The following NALCN variants were observed in gnomAD, a reference collection of about 807,000 sequenced individuals.
NALCN encodes the protein sodium leak channel, non-selective, also known as sodium leak channel NALCN.
In NALCN, 111 loss-of-function variants were observed where a neutral mutation model predicts 225.3. That is an observed-to-expected ratio of 0.49 (90% CI 0.42 to 0.58). The LOEUF is 0.58. Ranked by LOEUF, NALCN falls within the 20% of genes least tolerant of loss-of-function variation. NALCN has a pLI of 0.00. For missense variants in NALCN, 1,378 were observed against 2,202.4 expected (o/e 0.63, Z 7.49); for synonymous variants, 764 against 769.0 (o/e 0.99, Z 0.11).
intron 7 of NALCN, among the ~76,000 whole-genome samples, chr13:101,343,415 A>AATCAG (rs1443995468): frequency 4.6e-5 from 7 of 152,226 alleles, no homozygotes; most frequent in African/African-American, 7.2e-5. Context: ...AAACAGACAA[A>AATCAG]ATCAGGCAAA....
chr13:101,346,340 G>A (rs1001549440), intron 6 of NALCN, among the ~76,000 whole-genome samples: 1 of 151,992 alleles, frequency 6.6e-6, no homozygotes, highest in Non-Finnish European at 1.5e-5. Flanking sequence ...TGCAAAGAAC[G>A]TTAACTTGTC....
intron 15 of NALCN, among the ~76,000 whole-genome samples, chr13:101,159,410 C>T (rs1364250589): frequency 2.4e-4 from 37 of 152,254 alleles, no homozygotes; most frequent in Admixed American, 2.2e-3. Context: ...GGCTTGCAGT[C>T]GCCCCCTCCG....
At chr13:101,248,291 G>T (rs971189105) in intron 11 of NALCN, among the ~76,000 whole-genome samples, 1 of 152,144 alleles carries the variant, frequency 6.6e-6, no homozygotes, top group African/African-American at 2.4e-5. Context: ...GGACTTAATA[G>T]TTCAAAATAT....
At chr13:101,393,468 G>A (rs751549129) in intron 3 of NALCN, among the ~76,000 whole-genome samples, 20 of 152,162 alleles carry the variant, frequency 1.3e-4, no homozygotes, top group South Asian at 2.1e-4. Context: ...GACAAAAGAC[G>A]CATGTCTTCC....
chr13:101,265,349 A>G (rs1484131137), intron 10 of NALCN, among the ~76,000 whole-genome samples: 1 of 152,198 alleles, frequency 6.6e-6, no homozygotes, highest in African/African-American at 2.4e-5. Context: ...TATAAAACTC[A>G]TAACAGCAAC....
At chr13:101,316,670 T>C (rs912673442) in intron 7 of NALCN, among the ~76,000 whole-genome samples, 4 of 152,332 alleles carry the variant, frequency 2.6e-5, no homozygotes, top group South Asian at 2.1e-4. Flanking sequence ...CTTTTATACC[T>C]GTACTCTGGA....
rs144394912 is a variant in NALCN at position 101,226,166 on chromosome 13, G to A, written c.1626+3227C>T. On this transcript the variant is annotated intron_variant, in intron 13 of 43. Coordinates refer to ENST00000251127, the MANE Select transcript of NALCN (RefSeq NM_052867.4). ...TCAAGCACCCAAACATCAGCCTAAT[G>A]CCTAATGTCAGCATCACCAGAAACA... Among the ~76,000 whole-genome samples, 20 of 152,032 alleles carry A rather than the reference G, an allele frequency of 1.3e-4. 1 individual carries two copies. In the East Asian group the frequency reaches 3.9e-3, roughly 30 times the overall value.
At chr13:101,095,529 G>T in intron 28 of NALCN, 45 bp downstream of exon 28, 2 of 1,491,124 alleles carry the variant, frequency 1.3e-6, no homozygotes, top group South Asian at 1.2e-5. Flanking sequence ...GCCTTATACT[G>T]ACAAACACAC....
At chr13:101,391,986 AAAAAACAAAAAC>A (rs563312148) in intron 3 of NALCN, among the ~76,000 whole-genome samples, 3 of 151,366 alleles carry the variant, frequency 2.0e-5, no homozygotes, top group Admixed American at 6.6e-5. Flanking sequence ...CTCCATCTCG[AAAAAACAAAAAC>A]AAAAACAAAA....
chr13:101,255,040 C>T (rs1304175469), intron 11 of NALCN, among the ~76,000 whole-genome samples: 1 of 152,060 alleles, frequency 6.6e-6, no homozygotes, highest in Admixed American at 6.5e-5. Context: ...TCAAAGTTTC[C>T]TCCCACACCC....
Position 101,061,639 on chromosome 13 carries a change from C to T in NALCN, c.4755+329G>A, listed in dbSNP as rs535253491. 1.1e-4 allele frequency among the ~76,000 whole-genome samples: 17 copies of T among 152,320 alleles called. No individual in the cohort carries two copies. The South Asian group carries it at 3.1e-3, about 28-fold the overall frequency. On this transcript the variant is annotated intron_variant, in intron 41 of 43. Transcript: ENST00000251127. ...AAGTGAGTTGAGCTCCCCCCTTGAC[C>T]TCTCATAGTGCTGGGATTACAGGCA...
At chr13:101,121,766 A>G (rs1385308908) in intron 18 of NALCN, among the ~76,000 whole-genome samples, 3 of 152,148 alleles carry the variant, frequency 2.0e-5, no homozygotes, top group Non-Finnish European at 4.4e-5. Context: ...TGGTCCTGGG[A>G]GACCCCACTG....
At chr13:101,291,417 G>A (rs563289781) in intron 9 of NALCN, among the ~76,000 whole-genome samples, 1 of 152,176 alleles carries the variant, frequency 6.6e-6, no homozygotes, top group Non-Finnish European at 1.5e-5. Context: ...TAATAAATGT[G>A]GTTGACGATC....
At position 101,299,244 on chromosome 13, in the gene NALCN, C is replaced by T. The variant is rs561024656; in HGVS notation, c.800-6878G>A. On this transcript the variant is annotated intron_variant, in intron 7 of 43. Coordinates refer to ENST00000251127, the MANE Select transcript of NALCN (RefSeq NM_052867.4). ...GTAAGATGACTGTATACATGCATAT[C>T]TTAGAATTTGGGGGAAGGGAGGCTA... 4.4e-4 allele frequency among the ~76,000 whole-genome samples: 67 copies of T among 152,252 alleles called. 1 individual carries two copies. The highest frequency in any genetic ancestry group is 3.3e-4 in the Admixed American group (5 of 15,300).
At chr13:101,269,883 C>A (rs2042718850) in intron 10 of NALCN, among the ~76,000 whole-genome samples, 1 of 152,156 alleles carries the variant, frequency 6.6e-6, no homozygotes, top group Non-Finnish European at 1.5e-5. Flanking sequence ...ATGCTAAAAT[C>A]TTGGCTTTTC....
chr13:101,116,268 A>G (rs2035703537), intron 18 of NALCN, among the ~76,000 whole-genome samples: 2 of 151,296 alleles, frequency 1.3e-5, no homozygotes, highest in African/African-American at 4.9e-5. Context: ...TTCCCCCTGC[A>G]TTGCCTTTGT....
At chr13:101,131,101 T>C (rs1033017967) in intron 17 of NALCN, among the ~76,000 whole-genome samples, 2 of 152,152 alleles carry the variant, frequency 1.3e-5, no homozygotes, top group South Asian at 4.1e-4. Context: ...TCTCTTTATG[T>C]TCCTTCTCGT....
chr13:101,365,242 T>C (rs2139378445), intron 6 of NALCN, among the ~76,000 whole-genome samples: 1 of 152,224 alleles, frequency 6.6e-6, no homozygotes, highest in East Asian at 1.9e-4. Context: ...GTTGCCTTCT[T>C]TGTGTCTGTA....
At chr13:101,077,889 G>A (rs997233578) in intron 34 of NALCN, among the ~76,000 whole-genome samples, 1 of 152,220 alleles carries the variant, frequency 6.6e-6, no homozygotes, top group Non-Finnish European at 1.5e-5. Flanking sequence ...CAATGGTTTT[G>A]TGGGTGGGCC....
Sources: allele counts gnomAD v4.1 joint callset (sites outside exome capture counted in the v4.1 genomes callset), GRCh38; gene constraint gnomAD v4.1.1; transcripts MANE v1.5; gene names NCBI Gene and HGNC (gene_info 2026-07-23, HGNC 2026-07-21).